Variants in KIAA1549 observed in about 807,000 individuals in gnomAD.
The protein encoded by KIAA1549 is UPF0606 protein KIAA1549.
A neutral mutation model predicts 156.4 loss-of-function variants in KIAA1549; 70 were observed. The ratio of observed to expected loss-of-function variants is 0.45; its 90% CI spans 0.37 to 0.55. The LOEUF (loss-of-function observed/expected upper bound fraction) is 0.55. Among genes scored for constraint, KIAA1549 ranks in the 20% least tolerant of loss-of-function variants. The probability of loss-of-function intolerance (pLI) is 0.00; values close to 1 mark genes in which losing one functional copy is unlikely to be tolerated. For missense variants in KIAA1549, 2,428 were observed against 2,540.9 expected (o/e 0.96, Z 0.96); for synonymous variants, 1,103 against 1,066.4 (o/e 1.03, Z -0.67).
At position 138,907,152 on chromosome 7, in the gene KIAA1549, A is replaced by G. The variant is rs375842646; in HGVS notation, c.3277-50T>C. On this transcript the variant is annotated intron_variant, in intron 5 of 19. Coordinates refer to ENST00000422774, the MANE Select transcript of KIAA1549 (RefSeq NM_001164665.2). Reference sequence around the variant, plus strand: ...CTTCTATAATAAAACATTCTGCTGAAAGCTTAACCATGATTTCTCTCTCAC... The same window carrying G: ...CTTCTATAATAAAACATTCTGCTGAGAGCTTAACCATGATTTCTCTCTCAC... 7.4e-6 allele frequency: 10 copies of G among 1,354,840 alleles called. No individual in the cohort carries two copies. The African/African-American group carries it at 1.5e-4, about 20-fold the overall frequency. 83.9% of individuals were successfully genotyped at this position (1,354,840 alleles called of 1,614,324 possible). A position where few individuals can be genotyped will look rare whatever the true frequency, so the allele number is the denominator to read the frequency against.
At chr7:138,978,972 C>A (rs1375816525) in intron 1 of KIAA1549, among the ~76,000 whole-genome samples, 1 of 152,202 alleles carries the variant, frequency 6.6e-6, no homozygotes, top group East Asian at 1.9e-4. Context: ...GGGTCACCTC[C>A]AGCAGGTCAT....
Position 138,833,369 on chromosome 7 carries a change from G to C in KIAA1549, c.*4537C>G, listed in dbSNP as rs1225752276. 1 of 232,418 alleles carries C rather than the reference G, an allele frequency of 4.3e-6. No homozygotes were observed. The highest frequency in any genetic ancestry group is 8.5e-6 in the Non-Finnish European group (1 of 117,662). The allele number at this position is 232,418 out of a possible 1,614,324, so 14.4% of individuals were successfully genotyped here. A position where few individuals can be genotyped will look rare whatever the true frequency, so the allele number is the denominator to read the frequency against. On this transcript the variant is annotated 3_prime_UTR_variant, in exon 20 of 20. Transcript: ENST00000422774. The stretch of plus-strand genomic sequence containing the variant: ...AAATCAGTGTCCGAATGACTGGCTT[G>C]GTCACTGGAACACTTAGAAAAAAGT...
intron 1 of KIAA1549, among the ~76,000 whole-genome samples, chr7:138,933,901 G>T (rs1321820997): frequency 1.3e-5 from 2 of 152,258 alleles, no homozygotes; most frequent in Non-Finnish European, 2.9e-5. Flanking sequence ...AGGAAGGGGA[G>T]GTTGCAGTGA....
At chr7:138,882,305 T>C (rs921636543) in intron 10 of KIAA1549, among the ~76,000 whole-genome samples, 3 of 151,986 alleles carry the variant, frequency 2.0e-5, no homozygotes, top group African/African-American at 4.8e-5. Context: ...AGAAGCCAAA[T>C]AGACAAGAGA....
intron 1 of KIAA1549, among the ~76,000 whole-genome samples, chr7:138,968,730 G>T (rs1332752339): frequency 6.6e-6 from 1 of 151,824 alleles, no homozygotes; most frequent in East Asian, 1.9e-4. Flanking sequence ...CGTGGTGGCG[G>T]GCGCCTGTAG....
chr7:138,918,017 T>G lies in KIAA1549; in HGVS notation c.1609A>C (p.Thr537Pro). The change falls in exon 2 of 20, where the codon ACT (threonine) becomes CCT (proline). Residue 537 changes from threonine to proline, a missense_variant. By Grantham distance (38) the Thr-to-Pro change is conservative. Transcript: ENST00000422774. This position sits in a 1 kb window ranked among gnomAD's most constrained non-coding sequence, Gnocchi z 4.2. ...TCAGCAACAGACAAGGAGCCAGCAG[T>G]AGGATCAAGTGACGCCGGCACAGAG... ...RLSVPASLDP[T>P]AGSLSVAETQ... 6.2e-7 allele frequency: 1 copy of G among 1,605,442 alleles called. No individual in the cohort carries two copies. Among genetic ancestry groups the G allele is most frequent in the Non-Finnish European group, 8.5e-7 (1 of 1,175,924 alleles).
At chr7:138,933,731 C>T (rs917112009) in intron 1 of KIAA1549, among the ~76,000 whole-genome samples, 3 of 152,150 alleles carry the variant, frequency 2.0e-5, no homozygotes, top group East Asian at 1.9e-4. Context: ...TTTCAGAGGC[C>T]GGGGCAGGCG....
In KIAA1549 at chr7:138,981,060, C is replaced by G; in HGVS notation, c.187+23G>C. 8.2e-7 allele frequency: 1 copy of G among 1,224,020 alleles called. No homozygotes were observed. The highest frequency in any genetic ancestry group is 1.0e-6 in the Non-Finnish European group (1 of 981,960). 75.8% of individuals were successfully genotyped at this position (1,224,020 alleles called of 1,614,324 possible). On this transcript the variant is annotated intron_variant, in intron 1 of 19. Transcript: ENST00000422774. The surrounding 1 kb of genome is among the most constrained non-coding windows in gnomAD (Gnocchi z 4.5). ...AGGCAGGCGGGGTCGCGGCCGCGTT[C>G]CGAGGGTCTCGGCGGAGCTTACCTG...
At chr7:138,970,074 C>T (rs1275154880) in intron 1 of KIAA1549, among the ~76,000 whole-genome samples, 1 of 152,168 alleles carries the variant, frequency 6.6e-6, no homozygotes, top group Non-Finnish European at 1.5e-5. Flanking sequence ...TCATTCTTAA[C>T]TCTTTTCCTT....
At chr7:138,943,708 G>T (rs1359086244) in intron 1 of KIAA1549, among the ~76,000 whole-genome samples, 2 of 152,094 alleles carry the variant, frequency 1.3e-5, no homozygotes, top group Non-Finnish European at 2.9e-5. Context: ...ATTTAGCCGG[G>T]TGTAGTGGCG....
rs1336588218 is a variant in KIAA1549 at position 138,861,172 on chromosome 7, G to A, written c.5214C>T (p.Tyr1738=). 1 of 1,613,874 alleles carries A rather than the reference G, an allele frequency of 6.2e-7. No individual in the cohort carries two copies. The highest frequency in any genetic ancestry group is 2.2e-5 in the East Asian group (1 of 44,870). ...GATTGTTGGCCGTCTGGGCTGGGCT[G>A]TAGAAGGACCCCCACTGGGTGGCTC... ...ERRATQWGSF[Y]SPAQTANNPC... The change falls in exon 16 of 20, where the codon TAC becomes TAT. Residue 1738 remains tyrosine (Y), a synonymous_variant. Coordinates refer to ENST00000422774, the MANE Select transcript of KIAA1549 (RefSeq NM_001164665.2).
intron 1 of KIAA1549, among the ~76,000 whole-genome samples, chr7:138,954,583 T>C (rs1813606087): frequency 6.6e-6 from 1 of 152,126 alleles, no homozygotes; most frequent in African/African-American, 2.4e-5. Flanking sequence ...TCCTCGTCTG[T>C]CAGGTAATTC....
At position 138,856,061 on chromosome 7, in the gene KIAA1549, T is replaced by G. The variant is rs113020835; in HGVS notation, c.5248-3792A>C. 5.5e-3 allele frequency among the ~76,000 whole-genome samples: 837 copies of G among 151,202 alleles called. 8 individuals carry two copies. The highest frequency in any genetic ancestry group is 0.02 in the African/African-American group (812 of 41,158). The stretch of plus-strand genomic sequence containing the variant: ...ATTTTTTTTTTTTTGAGACAGAGTC[T>G]CACTCTTCCACCCAGGCCGGACTGC... On this transcript the variant is annotated intron_variant, in intron 16 of 19. Coordinates refer to ENST00000422774, the MANE Select transcript of KIAA1549 (RefSeq NM_001164665.2).
At position 138,853,176 on chromosome 7, in the gene KIAA1549, C is replaced by T. The variant is rs114519363; in HGVS notation, c.5248-907G>A. Among the ~76,000 whole-genome samples the T allele has an allele frequency of 5.9e-3, 903 of 152,270 alleles. 7 individuals are homozygous for T. Among genetic ancestry groups the T allele is most frequent in the African/African-American group, 0.021 (859 of 41,556 alleles). ...CTGTCCAGCGGCAGTCAGTTGGAAC[C>T]AATGGTTTGTCTAAGTTAGGTCTAA... is the stretch of plus-strand genomic sequence containing the variant. On this transcript the variant is annotated intron_variant, in intron 16 of 19. Transcript: ENST00000422774.
chr7:138,937,881 A>G (rs1286285012), intron 1 of KIAA1549, among the ~76,000 whole-genome samples: 1 of 152,210 alleles, frequency 6.6e-6, no homozygotes, highest in Admixed American at 6.5e-5. Context: ...AAATGACACC[A>G]TCAAGGAAGG....
At chr7:138,915,198 T>C (rs1176426114) in intron 2 of KIAA1549, among the ~76,000 whole-genome samples, 1 of 152,192 alleles carries the variant, frequency 6.6e-6, no homozygotes, top group Non-Finnish European at 1.5e-5. Flanking sequence ...ACTTTTCCTT[T>C]TGTGGGAATC....
chr7:138,868,889 G>A (rs993128466), intron 14 of KIAA1549, among the ~76,000 whole-genome samples: 6 of 152,202 alleles, frequency 3.9e-5, no homozygotes, highest in African/African-American at 1.2e-4. Flanking sequence ...GTGAAAAAGA[G>A]CTGGAGTGGA....
At chr7:138,940,165 TC>T (rs1303457965) in intron 1 of KIAA1549, among the ~76,000 whole-genome samples, 1 of 150,564 alleles carries the variant, frequency 6.6e-6, no homozygotes, top group Non-Finnish European at 1.5e-5. Flanking sequence ...CCCTCCCCGC[TC>T]CCCCCACCCC....
At chr7:138,866,142 G>A (rs749001528) in intron 15 of KIAA1549, among the ~76,000 whole-genome samples, 46 of 152,248 alleles carry the variant, frequency 3.0e-4, no homozygotes, top group South Asian at 1.0e-3. Flanking sequence ...TCAATTCCTC[G>A]TACTGAGGAA....
Sources: gnomAD v4.1 joint callset for allele counts (sites outside exome capture counted in the v4.1 genomes callset) on GRCh38, gnomAD v4.1.1 for gene constraint, Gnocchi (gnomAD v3.1) non-coding constraint, MANE v1.5 for transcripts, NCBI Gene and HGNC (gene_info 2026-07-23, HGNC 2026-07-21) for gene names.